ERI3: variants seen among roughly 807,000 people sequenced by gnomAD.
ERI3 encodes ERI1 exoribonuclease family member 3, also known as ERI1 exoribonuclease 3.
Under a neutral mutation model 44.4 loss-of-function variants are expected in ERI3, and 18 were observed. The ratio of observed to expected loss-of-function variants is 0.41; its 90% confidence interval spans 0.28 to 0.60. ERI3 has a LOEUF of 0.60. Among genes scored for constraint, ERI3 ranks in the 20% least tolerant of loss-of-function variants. The probability of loss-of-function intolerance (pLI) is 0.36; values close to 1 mark genes in which losing one functional copy is unlikely to be tolerated. For synonymous variants in ERI3, 183 were observed against 164.8 expected (o/e 1.11, Z -0.84); for missense variants, 294 against 435.5 (o/e 0.68, Z 2.89).
intron 6 of ERI3, among the ~76,000 whole-genome samples, chr1:44,285,789 G>C (rs921955144): frequency 1.3e-5 from 2 of 152,168 alleles, no homozygotes; most frequent in African/African-American, 4.8e-5. Context: ...TTGGAGTATG[G>C]GGGCATATGC....
intron 2 of ERI3, among the ~76,000 whole-genome samples, chr1:44,342,849 ATATATATATTTTTTTTTTTTTTTTT>A (rs1249499041): frequency 3.0e-5 from 1 of 33,610 alleles, no homozygotes; most frequent in Non-Finnish European, 5.2e-5. Flanking sequence ...ATATATATAT[ATATATATATTTTTTTTTTTTTTTTT>A]TTTTTTTTTT....
chr1:44,231,885 A>G (rs750179114), intron 8 of ERI3, among the ~76,000 whole-genome samples: 3 of 152,192 alleles, frequency 2.0e-5, no homozygotes, highest in Non-Finnish European at 2.9e-5. Flanking sequence ...GACAAGCATG[A>G]GGGAAAAATA....
intron 5 of ERI3, among the ~76,000 whole-genome samples, chr1:44,311,154 G>T (rs1317414137): frequency 1.3e-5 from 2 of 151,400 alleles, no homozygotes; most frequent in Non-Finnish European, 2.9e-5. Context: ...CATACTAGAG[G>T]GGCTCCCCAG....
At chr1:44,342,826 T>TATATATATATATATATATATATAA (rs1646688579) in intron 2 of ERI3, among the ~76,000 whole-genome samples, 1 of 17,298 alleles carries the variant, frequency 5.8e-5, no homozygotes, top group African/African-American at 2.6e-4. Context: ...TATATATATA[T>TATATATATATATATATATATATAA]ATATATATAT....
intron 3 of ERI3, among the ~76,000 whole-genome samples, chr1:44,335,090 A>G (rs1380136882): frequency 6.6e-6 from 1 of 152,208 alleles, no homozygotes; most frequent in East Asian, 1.9e-4. Flanking sequence ...CTGTAATCAG[A>G]GCACTTTAGG....
intron 2 of ERI3, among the ~76,000 whole-genome samples, chr1:44,342,830 TA>T (rs1646691681): frequency 1.4e-4 from 4 of 27,878 alleles, no homozygotes; most frequent in Admixed American, 4.9e-4. Context: ...TATATATATA[TA>T]TATATATATA....
intron 3 of ERI3, among the ~76,000 whole-genome samples, chr1:44,335,720 CAGCCTGGGCAACAAGAGCAACTTGT>C (rs1180422097): frequency 1.3e-5 from 2 of 150,970 alleles, no homozygotes; most frequent in East Asian, 2.0e-4. Flanking sequence ...CATTGCACTC[CAGCCTGGGCAACAAGAGCAACTTGT>C]AGCCTGGGCA....
rs183900806 is a variant in ERI3, at chr1:44,285,036, T to C, written c.759-129A>G. ...AAAAGGTCAACCCATTAGCCATGGG[T>C]CCCACCCCACCAAAGAAAGGGAACC... is the stretch of plus-strand genomic sequence containing the variant. On this transcript the variant is annotated intron_variant, in intron 6 of 8. Coordinates refer to ENST00000372257, the MANE Select transcript of ERI3 (RefSeq NM_024066.3). 9.1e-4 allele frequency: 645 copies of C among 711,722 alleles called. 3 individuals carry two copies. The African/African-American group carries it at 9.4e-3, about 10-fold the overall frequency. The allele number at this position is 711,722 out of a possible 1,614,324, so 44.1% of individuals were successfully genotyped here.
At chr1:44,258,905 G>C (rs1378146526) in intron 7 of ERI3, among the ~76,000 whole-genome samples, 1 of 152,178 alleles carries the variant, frequency 6.6e-6, no homozygotes, top group Non-Finnish European at 1.5e-5. Flanking sequence ...AGCCTCCAGA[G>C]CTAAGGCCCA....
chr1:44,354,340 G>A, intron 1 of ERI3: 1 of 985,416 alleles, frequency 1.0e-6, no homozygotes, highest in Non-Finnish European at 1.2e-6. Flanking sequence ...AACCCCCATT[G>A]AGGGGCCCCA....
At chr1:44,259,723 C>CACACACACACAA (rs1394413620) in intron 7 of ERI3, among the ~76,000 whole-genome samples, 2 of 147,478 alleles carry the variant, frequency 1.4e-5, no homozygotes, top group Admixed American at 1.4e-4. Context: ...CACACACACA[C>CACACACACACAA]AAATTAGCCA....
intron 8 of ERI3, among the ~76,000 whole-genome samples, chr1:44,246,897 C>G (rs920814189): frequency 3.3e-5 from 5 of 152,124 alleles, no homozygotes; most frequent in South Asian, 2.1e-4. Context: ...CCAGTCCCCC[C>G]CCACAATGAT....
At chr1:44,260,032 A>C (rs955083015) in intron 7 of ERI3, among the ~76,000 whole-genome samples, 7 of 152,094 alleles carry the variant, frequency 4.6e-5, no homozygotes, top group Non-Finnish European at 8.8e-5. Context: ...AAGATAATAG[A>C]TCCTTCTAGA....
intron 7 of ERI3, among the ~76,000 whole-genome samples, chr1:44,256,224 C>G (rs1377717308): frequency 1.3e-5 from 2 of 152,148 alleles, no homozygotes; most frequent in African/African-American, 4.8e-5. Context: ...CCAATCCTAC[C>G]CAGTCTCCTT....
At chr1:44,281,235 C>G (rs751535161) in intron 7 of ERI3, among the ~76,000 whole-genome samples, 5 of 152,136 alleles carry the variant, frequency 3.3e-5, no homozygotes, top group Non-Finnish European at 5.9e-5. Flanking sequence ...TATTCAACAT[C>G]CACCTTCTTA....
chr1:44,326,566 A>G (rs1646318259), intron 3 of ERI3, among the ~76,000 whole-genome samples: 1 of 152,206 alleles, frequency 6.6e-6, no homozygotes. Context: ...CCAAATAATT[A>G]GATTTTAGGG....
intron 6 of ERI3, among the ~76,000 whole-genome samples, chr1:44,289,208 T>C (rs1377212009): frequency 1.3e-5 from 2 of 151,958 alleles, no homozygotes; most frequent in African/African-American, 4.8e-5. Context: ...TTCAACCAAA[T>C]CAAAACTTCC....
In ERI3 at chr1:44,339,054, A is replaced by G. The variant is rs1430387130; in HGVS notation, c.480T>C (p.Ile160=). ...DFEATCDKPQ[I]HPQEIIEFPI... ...ATGATGGAACAGTTACCTGAGGATGAATCTGTGGCTTGTCGCACGTGGCCT... is the reference window on the plus strand; with the variant it reads ...ATGATGGAACAGTTACCTGAGGATGGATCTGTGGCTTGTCGCACGTGGCCT... The change falls in exon 3 of 9, where the codon ATT becomes ATC. Residue 160 remains isoleucine (I), a synonymous_variant. Coordinates refer to ENST00000372257, the MANE Select transcript of ERI3 (RefSeq NM_024066.3). The G allele has an allele frequency of 6.2e-7, 1 of 1,611,956 alleles. No homozygotes were observed. The highest frequency in any genetic ancestry group is 1.1e-5 in the South Asian group (1 of 91,046).
At chr1:44,255,830 T>G (rs540785643) in intron 7 of ERI3, among the ~76,000 whole-genome samples, 1 of 152,338 alleles carries the variant, frequency 6.6e-6, no homozygotes, top group Admixed American at 6.5e-5. Context: ...AGTCCTGGGA[T>G]TGCTGTTTCA....
Sources: gnomAD v4.1 joint callset for allele counts (sites outside exome capture counted in the v4.1 genomes callset) on GRCh38, gnomAD v4.1.1 for gene constraint, MANE v1.5 for transcripts, NCBI Gene and HGNC (gene_info 2026-07-23, HGNC 2026-07-21) for gene names.